The following ABHD2 variants were observed in gnomAD, a reference collection of about 807,000 sequenced individuals.
ABHD2 encodes monoacylglycerol lipase ABHD2.
In ABHD2, 20 loss-of-function variants were observed where a neutral mutation model predicts 48.1. That is an observed-to-expected ratio of 0.42 (90% CI 0.29 to 0.60). ABHD2 has a LOEUF of 0.60. Ranked by LOEUF, ABHD2 falls within the 20% of genes least tolerant of loss-of-function variation. The probability of loss-of-function intolerance (pLI) is 0.24; values close to 1 mark genes in which losing one functional copy is unlikely to be tolerated. For missense variants in ABHD2, 405 were observed against 550.9 expected (o/e 0.74, Z 2.65); for synonymous variants, 209 against 214.2 (o/e 0.98, Z 0.21).
At chr15:89,048,284 G>T in the ABHD2 span, among the ~76,000 whole-genome samples, 1 of 152,080 alleles carries the variant, frequency 6.6e-6, no homozygotes, top group Non-Finnish European at 1.5e-5. Flanking sequence ...AGTCTGATGG[G>T]CTTCCCTTTG....
chr15:89,180,328 G>A (rs1336991818), intron 6 of ABHD2, among the ~76,000 whole-genome samples: 1 of 151,928 alleles, frequency 6.6e-6, no homozygotes, highest in Non-Finnish European at 1.5e-5. Context: ...ACTCATTCCT[G>A]TAAAAGTACA....
Position 89,193,258 on chromosome 15 carries a change from T to A in ABHD2, c.1020T>A (p.Val340=). Residue 340 remains valine, a synonymous_variant, in exon 10 of 11, where the codon GTT becomes GTA. Coordinates refer to ENST00000352732, the MANE Select transcript of ABHD2 (RefSeq NM_152924.5). ...AGATTTATGTTCCTCTCATGCTGGT[T>A]AATGCAGCTGACGATCCGTTGGTGC... ...LHRIYVPLML[V]NAADDPLVHE... The A allele has an allele frequency of 6.2e-7, 1 of 1,614,258 alleles. No homozygotes were observed.
chr15:89,053,043 C>T, the ABHD2 span, among the ~76,000 whole-genome samples: 8 of 151,460 alleles, frequency 5.3e-5, no homozygotes, highest in Admixed American at 4.0e-4. Flanking sequence ...TCTTGGCTCA[C>T]TGCAACCTCT....
At chr15:89,183,384 AATAT>A (rs1555433648) in intron 6 of ABHD2, 521 of 46,224 alleles carry the variant, frequency 0.011, 10 homozygotes, top group Admixed American at 0.018. Flanking sequence ...AAAAAAAAAA[AATAT>A]ATATATATAT....
At chr15:89,108,862 A>G (rs2049828776) in intron 1 of ABHD2, among the ~76,000 whole-genome samples, 1 of 152,246 alleles carries the variant, frequency 6.6e-6, no homozygotes, top group African/African-American at 2.4e-5. Context: ...TACAAAGTAC[A>G]GCGATAGTTT....
chr15:89,115,013 G>C (rs1410685801), intron 2 of ABHD2, among the ~76,000 whole-genome samples: 1 of 152,198 alleles, frequency 6.6e-6, no homozygotes, highest in East Asian at 1.9e-4. Flanking sequence ...GTTTAGAAAA[G>C]GGTTTCTGAG....
At chr15:89,089,382 C>T (rs937767957) in intron 1 of ABHD2, among the ~76,000 whole-genome samples, 24 of 152,210 alleles carry the variant, frequency 1.6e-4, no homozygotes, top group Non-Finnish European at 1.0e-4. Context: ...GTTGAATTCA[C>T]CCATAATGAA....
At chr15:89,096,995 A>G (rs887240611) in intron 1 of ABHD2, among the ~76,000 whole-genome samples, 2 of 152,236 alleles carry the variant, frequency 1.3e-5, no homozygotes, top group Non-Finnish European at 2.9e-5. Flanking sequence ...CAGGCAACTC[A>G]TCAGCCCAGG....
the ABHD2 span, among the ~76,000 whole-genome samples, chr15:89,058,505 G>A: frequency 6.6e-6 from 1 of 152,142 alleles, no homozygotes; most frequent in Non-Finnish European, 1.5e-5. Context: ...TCTTGGGTGG[G>A]TGTATGGACT....
At position 89,188,348 on chromosome 15, in the gene ABHD2, C is replaced by G. The variant is rs754867511; in HGVS notation, c.926+45C>G. The G allele has an allele frequency of 6.4e-7, 1 of 1,568,436 alleles. No homozygotes were observed. Among genetic ancestry groups the G allele is most frequent in the Admixed American group, 1.7e-5 (1 of 59,752 alleles). ...AGAGGGACGCTCTGGGGCAGGGTGC[C>G]AGGCAGGAGGCTGCAGGTCAGCTGT... is the stretch of plus-strand genomic sequence containing the variant. On this transcript the variant is annotated intron_variant, in intron 8 of 10. Coordinates refer to ENST00000352732, the MANE Select transcript of ABHD2 (RefSeq NM_152924.5). The surrounding 1 kb of genome is among the most constrained non-coding windows in gnomAD (Gnocchi z 4.1).
At position 89,176,136 on chromosome 15, in the gene ABHD2, T is replaced by A; in HGVS notation, c.722+141T>A. 1 of 897,326 alleles carries A rather than the reference T, an allele frequency of 1.1e-6. No individual in the cohort carries two copies. Among genetic ancestry groups the A allele is most frequent in the Non-Finnish European group, 1.6e-6 (1 of 612,114 alleles). 55.6% of individuals were successfully genotyped at this position (897,326 alleles called of 1,614,324 possible). On this transcript the variant is annotated intron_variant, in intron 6 of 10. Transcript: ENST00000352732. The surrounding 1 kb of genome is among the most constrained non-coding windows in gnomAD (Gnocchi z 4.5). Reference sequence around the variant, plus strand: ...AAGTTTCTGAGTCTTGGACTCACCTTGTTTTGTCTGCATATCATACATTGG... The same window carrying A: ...AAGTTTCTGAGTCTTGGACTCACCTAGTTTTGTCTGCATATCATACATTGG...
In ABHD2 at chr15:89,168,142, A is replaced by T. The variant is rs2050865239; in HGVS notation, c.539-7670A>T. 1.3e-5 allele frequency among the ~76,000 whole-genome samples: 2 copies of T among 152,320 alleles called. No homozygotes were observed. Among genetic ancestry groups the T allele is most frequent in the South Asian group, 4.2e-4 (2 of 4,816 alleles). ...ATTTGGGGAAGTGGCTGTTGAAATA[A>T]TAGCTTTCAGGCAGCCTTTGCCTTG... is the stretch of plus-strand genomic sequence containing the variant. On this transcript the variant is annotated intron_variant, in intron 5 of 10. Transcript: ENST00000352732. The surrounding 1 kb of genome is among the most constrained non-coding windows in gnomAD (Gnocchi z 4.8).
chr15:89,095,456 C>T (rs1472728848), intron 1 of ABHD2, among the ~76,000 whole-genome samples: 1 of 152,116 alleles, frequency 6.6e-6, no homozygotes, highest in East Asian at 1.9e-4. Context: ...AATCCTGAAG[C>T]CTGGATTTGT....
At chr15:89,134,656 A>T (rs1300959026) in intron 3 of ABHD2, among the ~76,000 whole-genome samples, 1 of 152,182 alleles carries the variant, frequency 6.6e-6, no homozygotes, top group Non-Finnish European at 1.5e-5. Context: ...AATTCCACAT[A>T]TAAAAATCTT....
At chr15:89,070,983 C>T in the ABHD2 span, among the ~76,000 whole-genome samples, 1 of 151,978 alleles carries the variant, frequency 6.6e-6, no homozygotes, top group South Asian at 2.1e-4. Context: ...AGTGTGCCCC[C>T]CGCTTGCTCT....
chr15:89,051,769 C>T, the ABHD2 span, among the ~76,000 whole-genome samples: 1 of 152,282 alleles, frequency 6.6e-6, no homozygotes, highest in East Asian at 1.9e-4. Context: ...TGTGAGGTGT[C>T]CCCAGCCATC....
At chr15:89,062,238 G>C in the ABHD2 span, among the ~76,000 whole-genome samples, 12 of 152,254 alleles carry the variant, frequency 7.9e-5, no homozygotes, top group African/African-American at 2.6e-4. Flanking sequence ...GTGAAGAAGG[G>C]TGTTAAAGGC....
chr15:89,071,093 G>A, the ABHD2 span, among the ~76,000 whole-genome samples: 25 of 152,146 alleles, frequency 1.6e-4, 1 homozygote, highest in South Asian at 5.2e-3. Flanking sequence ...AGGTTCAAGA[G>A]GTCAAAGAAG....
intron 3 of ABHD2, among the ~76,000 whole-genome samples, chr15:89,134,254 C>T (rs1267534456): frequency 6.6e-6 from 1 of 152,156 alleles, no homozygotes; most frequent in African/African-American, 2.4e-5. Flanking sequence ...TTTTAAAAGC[C>T]TAGAATTTCT....
Sources: allele counts gnomAD v4.1 joint callset (sites outside exome capture counted in the v4.1 genomes callset), GRCh38; gene constraint gnomAD v4.1.1; non-coding constraint Gnocchi (gnomAD v3.1); transcripts MANE v1.5; gene names NCBI Gene and HGNC (gene_info 2026-07-23, HGNC 2026-07-21).